Variants in FGF5 observed in about 807,000 individuals in gnomAD.
FGF5 encodes the protein fibroblast growth factor 5.
A neutral mutation model predicts 21.8 loss-of-function variants in FGF5; 23 were observed. The observed-to-expected ratio is 1.05, with a 90% CI of 0.76 to 1.49. FGF5 has a LOEUF of 1.49. Ranked by LOEUF, FGF5 falls within the 40% of genes most tolerant of loss-of-function variation. The pLI, the probability that FGF5 is intolerant of heterozygous loss-of-function variation, is 0.00. For missense variants in FGF5, 352 were observed against 332.9 expected, an observed-to-expected ratio of 1.06 and a Z score of -0.45; for synonymous variants, 158 against 124.0, an observed-to-expected ratio of 1.27 and a Z score of -1.82.
rs757126261 is a variant in FGF5 at position 80,267,070 on chromosome 4, C to A, written c.246C>A (p.Ser82Arg). ...TGGAGCAGAGCAGTTTCCAGTGGAG[C>A]CCCTCGGGGCGCCGGACCGGCAGCC... ...SGLEQSSFQW[S>R]PSGRRTGSLY... Residue 82 changes from serine (S) to arginine (R), a missense_variant, in exon 1 of 3, where the codon AGC (serine) becomes AGA (arginine). Coordinates refer to ENST00000312465, the MANE Select transcript of FGF5 (RefSeq NM_004464.4). 6.2e-7 allele frequency: 1 copy of A among 1,614,108 alleles called. No homozygotes were observed. Among genetic ancestry groups the A allele is most frequent in the African/African-American group, 1.3e-5 (1 of 74,960 alleles).
Position 80,290,888 on chromosome 4 carries a change from A to C in FGF5, c.*4216A>C, listed in dbSNP as rs1578302269. 1 of 152,134 alleles carries C rather than the reference A, an allele frequency of 6.6e-6. No homozygotes were observed. Among genetic ancestry groups the C allele is most frequent in the African/African-American group, 2.4e-5 (1 of 41,428 alleles). 9.4% of individuals were successfully genotyped at this position (152,134 alleles called of 1,614,324 possible). On this transcript the variant is annotated 3_prime_UTR_variant, in exon 3 of 3. Transcript: ENST00000312465. The stretch of plus-strand genomic sequence containing the variant: ...TGAACTCATCATTTTTTATGGCTGC[A>C]TAGTATTCCATGGTGTATATGTGCC...
At chr4:80,268,381 C>G (rs1047573288) in intron 1 of FGF5, 1 of 574,956 alleles carries the variant, frequency 1.7e-6, no homozygotes, top group Non-Finnish European at 2.2e-6. Flanking sequence ...GCAGCGCTCA[C>G]AGTCACCTGG....
intron 2 of FGF5, among the ~76,000 whole-genome samples, chr4:80,276,888 C>T (rs1013324632): frequency 1.3e-5 from 2 of 152,038 alleles, no homozygotes; most frequent in South Asian, 2.1e-4. Flanking sequence ...AATCTAACCT[C>T]ATAATAGTAC....
intron 1 of FGF5, among the ~76,000 whole-genome samples, chr4:80,272,010 C>T (rs1243113167): frequency 7.2e-5 from 11 of 152,128 alleles, no homozygotes; most frequent in Admixed American, 6.6e-4. Context: ...GAATCTGCTC[C>T]AGAAAACAAG....
intron 1 of FGF5, among the ~76,000 whole-genome samples, chr4:80,273,686 G>T (rs1281826800): frequency 1.3e-5 from 2 of 151,732 alleles, no homozygotes. Flanking sequence ...TTCCTTCTTT[G>T]TTTCCTTCTT....
intron 1 of FGF5, 41 bp downstream of exon 1, chr4:80,267,220 C>T (rs953812512): frequency 6.6e-7 from 1 of 1,507,474 alleles, no homozygotes; most frequent in South Asian, 1.3e-5. Flanking sequence ...CCTAGGCGGC[C>T]GCGGAAGATT....
chr4:80,266,816 G>A lies in FGF5; in HGVS notation c.-9G>A. On this transcript the variant is annotated 5_prime_UTR_variant, in exon 1 of 3. Coordinates refer to ENST00000312465, the MANE Select transcript of FGF5 (RefSeq NM_004464.4). ...ACAAGATGCACTTAGGACCCCCGCG[G>A]CTGGAAGAATGAGCTTGTCCTTCCT... The A allele has an allele frequency of 6.4e-7, 1 of 1,567,138 alleles. No individual in the cohort carries two copies. Among genetic ancestry groups the A allele is most frequent in the Non-Finnish European group, 8.6e-7 (1 of 1,158,846 alleles).
At position 80,287,887 on chromosome 4, in the gene FGF5, A is replaced by T. The variant is rs566252796; in HGVS notation, c.*1215A>T. 1.9e-4 allele frequency: 29 copies of T among 152,274 alleles called. No individual in the cohort carries two copies. The highest frequency in any genetic ancestry group is 1.5e-3 in the South Asian group (7 of 4,820). The allele number at this position is 152,274 out of a possible 1,614,324, so 9.4% of individuals were successfully genotyped here. ...TATAAGGAAACTTCTGATGTTTATTAAAAAAACTGGCCTTTTGATAGAGGT... is the reference window on the plus strand; with the variant it reads ...TATAAGGAAACTTCTGATGTTTATTTAAAAAACTGGCCTTTTGATAGAGGT... On this transcript the variant is annotated 3_prime_UTR_variant, in exon 3 of 3. Transcript: ENST00000312465.
intron 2 of FGF5, among the ~76,000 whole-genome samples, chr4:80,283,504 A>G (rs565174725): frequency 1.1e-4 from 17 of 152,330 alleles, no homozygotes; most frequent in Admixed American, 8.5e-4. Flanking sequence ...CCTGTTTTAA[A>G]AAAAGAAATG....
chr4:80,267,760 C>G (rs201880329), intron 1 of FGF5, among the ~76,000 whole-genome samples: 4 of 107,562 alleles, frequency 3.7e-5, no homozygotes, highest in African/African-American at 1.1e-4. Context: ...TAGATAGATA[C>G]ACAGATAGAT....
chr4:80,283,302 A>G (rs1720609596), intron 2 of FGF5, among the ~76,000 whole-genome samples: 1 of 152,156 alleles, frequency 6.6e-6, no homozygotes, highest in Middle Eastern at 3.2e-3. Context: ...GGTAACAGTT[A>G]GGTGACCTTT....
intron 2 of FGF5, among the ~76,000 whole-genome samples, chr4:80,277,392 G>A (rs1028916133): frequency 1.3e-5 from 2 of 152,016 alleles, no homozygotes; most frequent in African/African-American, 2.4e-5. Context: ...AATTATCCAA[G>A]CCCACTTTCT....
chr4:80,279,403 T>G (rs909835344), intron 2 of FGF5, among the ~76,000 whole-genome samples: 2 of 152,212 alleles, frequency 1.3e-5, no homozygotes, highest in African/African-American at 4.8e-5. Flanking sequence ...TGTTTGACAA[T>G]CCTTAATCTT....
In FGF5 at chr4:80,286,768, A is replaced by T; in HGVS notation, c.*96A>T. 1.1e-6 allele frequency: 1 copy of T among 869,624 alleles called. No individual in the cohort carries two copies. The highest frequency in any genetic ancestry group is 1.8e-6 in the Non-Finnish European group (1 of 560,908). The allele number at this position is 869,624 out of a possible 1,614,324, so 53.9% of individuals were successfully genotyped here. On this transcript the variant is annotated 3_prime_UTR_variant, in exon 3 of 3. Transcript: ENST00000312465. ...AAGAAAAATTACTGGACACAGCTTC[A>T]GCTATACTTACACTGTATTGAAGTC...
chr4:80,266,730 G>C lies in FGF5; in HGVS notation c.-95G>C. 8 of 1,074,762 alleles carry C rather than the reference G, an allele frequency of 7.4e-6. No individual in the cohort carries two copies. Among genetic ancestry groups the C allele is most frequent in the Non-Finnish European group, 1.1e-5 (8 of 746,464 alleles). The allele number at this position is 1,074,762 out of a possible 1,614,324, so 66.6% of individuals were successfully genotyped here. On this transcript the variant is annotated 5_prime_UTR_variant, in exon 1 of 3. Transcript: ENST00000312465. ...CGAGGCTATGTCCACCCGGTGCGGC[G>C]AGGCGGGCAGAGCCAGAGGCACGCA...
Position 80,286,955 on chromosome 4 carries a change from T to C in FGF5, c.*283T>C, listed in dbSNP as rs1720751837. 3.5e-6 allele frequency: 1 copy of C among 282,512 alleles called. No individual in the cohort carries two copies. Among genetic ancestry groups the C allele is most frequent in the African/African-American group, 2.2e-5 (1 of 46,450 alleles). 17.5% of individuals were successfully genotyped at this position (282,512 alleles called of 1,614,324 possible). On this transcript the variant is annotated 3_prime_UTR_variant, in exon 3 of 3. Coordinates refer to ENST00000312465, the MANE Select transcript of FGF5 (RefSeq NM_004464.4). The stretch of plus-strand genomic sequence containing the variant: ...TTTAGAACTTTGTATTTTCGGAAAG[T>C]TAAATAACAGGGACTACGTATTTTT...
At chr4:80,281,044 T>C (rs998575719) in intron 2 of FGF5, among the ~76,000 whole-genome samples, 1 of 152,088 alleles carries the variant, frequency 6.6e-6, no homozygotes, top group African/African-American at 2.4e-5. Context: ...ATTTTGTTGG[T>C]TGCTCAGTAT....
chr4:80,280,509 G>C (rs1183489238), intron 2 of FGF5, among the ~76,000 whole-genome samples: 10 of 152,182 alleles, frequency 6.6e-5, no homozygotes, highest in Admixed American at 6.5e-4. Flanking sequence ...GCTTTGGTTT[G>C]TATAGTGTTA....
chr4:80,281,882 G>A (rs370530892), intron 2 of FGF5, among the ~76,000 whole-genome samples: 1 of 152,024 alleles, frequency 6.6e-6, no homozygotes, highest in Non-Finnish European at 1.5e-5. Context: ...CAATTTGACC[G>A]TTCAAAAAAT....
Sources: gnomAD v4.1 joint callset for allele counts (sites outside exome capture counted in the v4.1 genomes callset) on GRCh38, gnomAD v4.1.1 for gene constraint, MANE v1.5 for transcripts, NCBI Gene and HGNC (gene_info 2026-07-23, HGNC 2026-07-21) for gene names.